NUP210L: variants seen among roughly 807,000 people sequenced by gnomAD.
The protein encoded by NUP210L is nucleoporin 210 like.
NUP210L carries 74 observed loss-of-function variants against 208.5 expected under a neutral mutation model. The ratio of observed to expected loss-of-function variants is 0.35; its 90% CI spans 0.29 to 0.43. The LOEUF is 0.43. Among genes scored for constraint, NUP210L ranks in the 20% least tolerant of loss-of-function variants. The pLI, the probability that NUP210L is intolerant of heterozygous loss-of-function variation, is 1.00. For synonymous variants in NUP210L, 780 were observed against 816.9 expected, an observed-to-expected ratio of 0.95 and a Z score of 0.77; for missense variants, 1,843 against 2,289.4, an observed-to-expected ratio of 0.81 and a Z score of 3.98.
Position 154,063,736 on chromosome 1 carries a change from T to A in NUP210L, c.2555-2062A>T, listed in dbSNP as rs1321401884. Among the ~76,000 whole-genome samples, 7 of 152,100 alleles carry A rather than the reference T, an allele frequency of 4.6e-5. No individual in the cohort carries two copies. In the East Asian group the frequency reaches 1.3e-3, roughly 29 times the overall value. On this transcript the variant is annotated intron_variant, in intron 17 of 39. Coordinates refer to ENST00000368559, the Ensembl canonical transcript of NUP210L. ...GGTTAGAAGATTATGTGAAAAAGTG[T>A]ATAAAGTAGTTAGTGCAGTGCCTGG... is the stretch of plus-strand genomic sequence containing the variant.
chr1:154,092,549 TG>T lies in NUP210L; in HGVS notation c.2187+2385del, dbSNP rs1216253324. On this transcript the variant is annotated intron_variant, in intron 15 of 39. Coordinates refer to ENST00000368559, the Ensembl canonical transcript of NUP210L. ...CATACCTGGCTAGTTTTTTGTTTTT[TG>T]TTTTTTTTTTTTTTTTAGCAGAGAT... Among the ~76,000 whole-genome samples, 157 of 139,990 alleles carry T rather than the reference TG, an allele frequency of 1.1e-3. 5 individuals carry two copies. Among genetic ancestry groups the T allele is most frequent in the Admixed American group, 0.01 (130 of 12,770 alleles). 91.8% of individuals were successfully genotyped at this position (139,990 alleles called of 152,430 possible). A position where few individuals can be genotyped will look rare whatever the true frequency, so the allele number is the denominator to read the frequency against.
chr1:154,089,230 T>C (rs559863113), intron 16 of NUP210L, among the ~76,000 whole-genome samples, 191 bp downstream of exon 16: 13 of 152,232 alleles, frequency 8.5e-5, no homozygotes, highest in Admixed American at 3.9e-4. Context: ...TTGTGCACTG[T>C]TGGTAAGAAT....
At position 154,155,113 on chromosome 1, in the gene NUP210L, G is replaced by A. The variant is rs141573838; in HGVS notation, c.-69C>T. ...CACAGCTCCATCAGCCAATCCACAG[G>A]CGTGACGTCAGCAGAGGGGGATGGG... On this transcript the variant is annotated 5_prime_UTR_variant, in exon 1 of 40. Transcript: ENST00000368559. 1.1e-4 allele frequency: 122 copies of A among 1,144,564 alleles called. 1 individual carries two copies. Among genetic ancestry groups the A allele is most frequent in the East Asian group, 2.0e-4 (8 of 39,198 alleles). 70.9% of individuals were successfully genotyped at this position (1,144,564 alleles called of 1,614,324 possible).
At chr1:153,999,341 T>G (rs1485406791) in intron 37 of NUP210L, among the ~76,000 whole-genome samples, 2 of 152,206 alleles carry the variant, frequency 1.3e-5, no homozygotes, top group Admixed American at 6.6e-5. Context: ...AGGTAATGCC[T>G]GGAATCAGGA....
At chr1:154,152,919 TA>T in intron 1 of NUP210L, 47 bp from the exon 2 acceptor site, 1 of 1,553,196 alleles carries the variant, frequency 6.4e-7, no homozygotes, top group Non-Finnish European at 8.9e-7. Flanking sequence ...GGGTTAAAAT[TA>T]ACTTTTAGTG....
chr1:154,012,759 A>C lies in NUP210L; in HGVS notation c.4654-389T>G, dbSNP rs192306829. Among the ~76,000 whole-genome samples, 1,437 of 151,882 alleles carry C rather than the reference A, an allele frequency of 9.5e-3. 15 individuals carry two copies. Among genetic ancestry groups the C allele is most frequent in the Non-Finnish European group, 0.013 (877 of 67,942 alleles). ...GGTGGCTCACGTCTGTAATCCCAGC[A>C]CTGGGAGGCCGAGGCGGGCGGCTCA... On this transcript the variant is annotated intron_variant, in intron 33 of 39. Coordinates refer to ENST00000368559, the Ensembl canonical transcript of NUP210L.
intron 16 of NUP210L, among the ~76,000 whole-genome samples, chr1:154,081,515 G>T (rs1325330562): frequency 6.6e-6 from 1 of 152,106 alleles, no homozygotes; most frequent in Non-Finnish European, 1.5e-5. Context: ...GGATGGAGTT[G>T]GATAAGGACA....
chr1:154,065,754 A>G (rs1269370571), intron 17 of NUP210L, among the ~76,000 whole-genome samples: 1 of 151,954 alleles, frequency 6.6e-6, no homozygotes, highest in East Asian at 1.9e-4. Context: ...TTAGCTGGGC[A>G]TGGTGGCACA....
chr1:154,068,690 T>C (rs1056147380), intron 17 of NUP210L, among the ~76,000 whole-genome samples: 6 of 151,846 alleles, frequency 4.0e-5, no homozygotes, highest in Non-Finnish European at 7.4e-5. Flanking sequence ...ATGGATGAAA[T>C]TGGAAATCAT....
At chr1:154,089,067 T>C (rs1655769986) in intron 16 of NUP210L, among the ~76,000 whole-genome samples, 1 of 152,194 alleles carries the variant, frequency 6.6e-6, no homozygotes, top group African/African-American at 2.4e-5. Context: ...CAAGTGTCTA[T>C]TGCCATTATC....
intron 27 of NUP210L, among the ~76,000 whole-genome samples, chr1:154,043,863 G>C (rs1443411724): frequency 6.6e-6 from 1 of 151,088 alleles, no homozygotes; most frequent in Non-Finnish European, 1.5e-5. Flanking sequence ...CTGATCCCAA[G>C]TCTGCCTCGG....
chr1:154,101,390 T>C (rs377074650), intron 13 of NUP210L, among the ~76,000 whole-genome samples: 3 of 151,922 alleles, frequency 2.0e-5, no homozygotes, highest in African/African-American at 4.8e-5. Context: ...GCAGGGAGAA[T>C]TGCTTGAACC....
intron 5 of NUP210L, 115 bp downstream of exon 5, chr1:154,139,687 C>CA (rs879154434): frequency 0.024 from 13,023 of 540,864 alleles, 40 homozygotes; most frequent in East Asian, 0.052. Context: ...AACAAACAAA[C>CA]AAAAAAAAAA....
intron 2 of NUP210L, among the ~76,000 whole-genome samples, chr1:154,150,130 T>G (rs1472031650): frequency 3.9e-5 from 6 of 152,040 alleles, no homozygotes; most frequent in African/African-American, 1.4e-4. Context: ...ATCCCAGCAC[T>G]TTGGGAGGCT....
chr1:154,011,468 C>T (rs750281166), intron 34 of NUP210L, among the ~76,000 whole-genome samples: 3 of 151,382 alleles, frequency 2.0e-5, no homozygotes, highest in Non-Finnish European at 4.4e-5. Flanking sequence ...ATGATCCATC[C>T]GCCTCGGCTT....
intron 27 of NUP210L, among the ~76,000 whole-genome samples, chr1:154,044,747 A>G (rs1653081029): frequency 6.6e-6 from 1 of 152,160 alleles, no homozygotes; most frequent in African/African-American, 2.4e-5. Context: ...ACTGGGTATC[A>G]TGGCCCCATG....
rs1659163738 is a variant in NUP210L, at chr1:154,147,282, C to A, written c.341-3705G>T. Among the ~76,000 whole-genome samples, 6 of 152,100 alleles carry A rather than the reference C, an allele frequency of 3.9e-5. No homozygotes were observed. The South Asian group carries it at 1.2e-3, about 32-fold the overall frequency. Reference sequence around the variant, plus strand: ...TGGGTTTTTTCCCTGAAAATCATAACCCCAGGCTAATCATGAGAAAAAGTT... The same window carrying A: ...TGGGTTTTTTCCCTGAAAATCATAAACCCAGGCTAATCATGAGAAAAAGTT... On this transcript the variant is annotated intron_variant, in intron 2 of 39. Coordinates refer to ENST00000368559, the Ensembl canonical transcript of NUP210L.
chr1:154,131,983 T>C (rs1304425418), intron 7 of NUP210L, among the ~76,000 whole-genome samples: 1 of 152,072 alleles, frequency 6.6e-6, no homozygotes, highest in Non-Finnish European at 1.5e-5. Context: ...CTAATTTTTA[T>C]ATTATTAGTA....
intron 31 of NUP210L, 50 bp from the exon 32 acceptor site, chr1:154,022,393 GAA>G (rs1401219877): frequency 6.8e-7 from 1 of 1,474,864 alleles, no homozygotes; most frequent in East Asian, 2.3e-5. Context: ...ACAATAGTTA[GAA>G]AATAGTTCTG....
Sources: allele counts gnomAD v4.1 joint callset (sites outside exome capture counted in the v4.1 genomes callset), GRCh38; gene constraint gnomAD v4.1.1; transcripts MANE v1.5; gene names NCBI Gene and HGNC (gene_info 2026-07-23, HGNC 2026-07-21).